The following AUTS2 variants were observed in gnomAD, a reference collection of about 807,000 sequenced individuals.
AUTS2 encodes the protein activator of transcription and developmental regulator AUTS2, also known as autism susceptibility gene 2 protein.
In AUTS2, 17 loss-of-function variants were observed where a neutral mutation model predicts 112.4. The ratio of observed to expected loss-of-function variants is 0.15; its 90% CI spans 0.10 to 0.23. The LOEUF (loss-of-function observed/expected upper bound fraction) is 0.23. Among genes scored for constraint, AUTS2 ranks in the 10% least tolerant of loss-of-function variants. AUTS2 has a pLI of 1.00. For synonymous variants in AUTS2, 751 were observed against 702.7 expected (o/e 1.07, Z -1.09); for missense variants, 1,510 against 1,701.6 (o/e 0.89, Z 1.98).
At chr7:70,076,363 A>G (rs1803034542) in intron 2 of AUTS2, among the ~76,000 whole-genome samples, 1 of 152,198 alleles carries the variant, frequency 6.6e-6, no homozygotes, top group African/African-American at 2.4e-5. Flanking sequence ...AATGATATAT[A>G]ATGAAACTAA....
chr7:70,691,874 ATTTTT>A (rs34314079), intron 5 of AUTS2, among the ~76,000 whole-genome samples: 1 of 131,820 alleles, frequency 7.6e-6, no homozygotes, highest in Non-Finnish European at 1.6e-5. Flanking sequence ...ATTGATGACA[ATTTTT>A]TTTTTTTTTT....
chr7:70,385,483 A>G (rs773805663), intron 4 of AUTS2, among the ~76,000 whole-genome samples: 1 of 152,256 alleles, frequency 6.6e-6, no homozygotes, highest in Non-Finnish European at 1.5e-5. Context: ...CCCAATATGC[A>G]TGCTACACAG....
chr7:69,908,416 T>C (rs938810729), intron 2 of AUTS2, among the ~76,000 whole-genome samples: 2 of 152,244 alleles, frequency 1.3e-5, no homozygotes, highest in Non-Finnish European at 2.9e-5. Context: ...ATAACTTTGT[T>C]ATTTACTCTG....
intron 4 of AUTS2, among the ~76,000 whole-genome samples, chr7:70,144,156 T>C (rs952273096): frequency 6.6e-6 from 1 of 152,034 alleles, no homozygotes; most frequent in Non-Finnish European, 1.5e-5. Context: ...ATTTGCCTCT[T>C]ACCATTTGTG....
intron 5 of AUTS2, among the ~76,000 whole-genome samples, chr7:70,485,460 G>A (rs1209977451): frequency 6.6e-6 from 1 of 152,088 alleles, no homozygotes; most frequent in African/African-American, 2.4e-5. Flanking sequence ...TGGACTTTGG[G>A]GACTCGGGGG....
chr7:70,487,528 C>T (rs550797841), intron 5 of AUTS2, among the ~76,000 whole-genome samples: 1 of 152,258 alleles, frequency 6.6e-6, no homozygotes, highest in East Asian at 1.9e-4. Context: ...GAAGCCATTA[C>T]CAAGATGCAA....
intron 1 of AUTS2, among the ~76,000 whole-genome samples, chr7:69,737,431 A>C (rs1787081355): frequency 6.6e-6 from 1 of 152,138 alleles, no homozygotes; most frequent in African/African-American, 2.4e-5. Flanking sequence ...CTAGCTAGTA[A>C]AAGTCGGGCA....
chr7:70,572,819 G>A (rs915980346), intron 5 of AUTS2, among the ~76,000 whole-genome samples: 3 of 152,200 alleles, frequency 2.0e-5, no homozygotes, highest in Non-Finnish European at 4.4e-5. Flanking sequence ...CTGGTCTGTT[G>A]CGGGCCTTTG....
chr7:70,134,469 T>C, intron 3 of AUTS2, 67 bp from the exon 4 acceptor site: 1 of 1,366,022 alleles, frequency 7.3e-7, no homozygotes. Flanking sequence ...GGTAATGAGC[T>C]GTGTGGATTG....
intron 5 of AUTS2, among the ~76,000 whole-genome samples, chr7:70,575,322 G>A (rs1802114983): frequency 6.6e-6 from 1 of 152,168 alleles, no homozygotes; most frequent in African/African-American, 2.4e-5. Flanking sequence ...ACCCCTGCCT[G>A]TGTGCACCCC....
intron 4 of AUTS2, among the ~76,000 whole-genome samples, chr7:70,220,158 G>A (rs950308243): frequency 1.3e-5 from 2 of 152,156 alleles, no homozygotes; most frequent in South Asian, 2.1e-4. Context: ...AATAAATGTG[G>A]CAGTGTTCCA....
At chr7:70,582,211 A>AAC (rs76128599) in intron 5 of AUTS2, among the ~76,000 whole-genome samples, 4,562 of 152,292 alleles carry the variant, frequency 0.03, 81 homozygotes, top group South Asian at 0.077. Flanking sequence ...TCATTAAAAG[A>AAC]ACGCAGTGTG....
At chr7:70,266,120 C>T (rs1477955217) in intron 4 of AUTS2, among the ~76,000 whole-genome samples, 1 of 152,050 alleles carries the variant, frequency 6.6e-6, no homozygotes, top group Non-Finnish European at 1.5e-5. Context: ...TTCATAATAG[C>T]TAAAAAGTGA....
rs372240197 is a variant in AUTS2, at chr7:69,610,914, G to T, written c.309+10952G>T. ...GCAGGGCTGCATTGTTATTAGGGAA[G>T]TCAGTGACATCTGTTATATCTTGTT... On this transcript the variant is annotated intron_variant, in intron 1 of 18. Coordinates refer to ENST00000342771, the MANE Select transcript of AUTS2 (RefSeq NM_015570.4). 3.5e-4 allele frequency among the ~76,000 whole-genome samples: 53 copies of T among 152,312 alleles called. 2 individuals carry two copies. The South Asian group carries it at 0.011, about 31-fold the overall frequency.
Position 70,785,973 on chromosome 7 carries a change from C to T in AUTS2, c.2243C>T (p.Ser748Phe). 6.2e-7 allele frequency: 1 copy of T among 1,614,066 alleles called. No homozygotes were observed. Among genetic ancestry groups the T allele is most frequent in the Non-Finnish European group, 8.5e-7 (1 of 1,179,988 alleles). ...AAHLEPFNRP[S>F]TFTGLAAVGG... Reference sequence around the variant, plus strand: ...TTTGCAGAGCCTTTTAATCGGCCGTCTACATTCACAGGCCTAGCAGCAGTT... The same window carrying T: ...TTTGCAGAGCCTTTTAATCGGCCGTTTACATTCACAGGCCTAGCAGCAGTT... Residue 748 changes from serine to phenylalanine, a missense_variant, in exon 17 of 19, where the codon TCT (serine) becomes TTT (phenylalanine). By Grantham distance (155) the Ser-to-Phe change is radical. This residue lies in a region of AUTS2 where 788 missense variants were observed against 797.6 expected (regional missense o/e 0.99). Transcript: ENST00000342771.
At chr7:69,696,540 T>C (rs771822818) in intron 1 of AUTS2, among the ~76,000 whole-genome samples, 2 of 152,214 alleles carry the variant, frequency 1.3e-5, no homozygotes, top group African/African-American at 2.4e-5. Context: ...TCTTACCCTC[T>C]TATCTCGATC....
chr7:70,329,182 G>A (rs1585023718), intron 4 of AUTS2, among the ~76,000 whole-genome samples: 1 of 152,272 alleles, frequency 6.6e-6, no homozygotes, highest in East Asian at 1.9e-4. Context: ...TACATGCACT[G>A]ATGGATGTTT....
chr7:70,579,615 CAG>C (rs1214264833), intron 5 of AUTS2, among the ~76,000 whole-genome samples: 15 of 152,170 alleles, frequency 9.9e-5, no homozygotes, highest in Admixed American at 6.5e-4. Flanking sequence ...AGGGATAAGA[CAG>C]AGCAGGTGCA....
At position 69,903,258 on chromosome 7, in the gene AUTS2, C is replaced by T. The variant is rs150863138; in HGVS notation, c.522+3760C>T. ...AGGAACACAAGGAAGTCAGGTGTCG[C>T]TAAACCGATAAGCCAAATTATAACT... On this transcript the variant is annotated intron_variant, in intron 2 of 18. Transcript: ENST00000342771. Among the ~76,000 whole-genome samples, 17 of 152,262 alleles carry T rather than the reference C, an allele frequency of 1.1e-4. No individual in the cohort carries two copies. The East Asian group carries it at 3.1e-3, about 28-fold the overall frequency.
Sources: allele counts gnomAD v4.1 joint callset (sites outside exome capture counted in the v4.1 genomes callset), GRCh38; gene constraint gnomAD v4.1.1; regional missense constraint gnomAD v4.1.1; transcripts MANE v1.5; gene names NCBI Gene and HGNC (gene_info 2026-07-23, HGNC 2026-07-21).